NCK1: variants seen among roughly 807,000 people sequenced by gnomAD.
NCK1 encodes NCK adaptor protein 1.
A neutral mutation model predicts 36.6 loss-of-function variants in NCK1; 19 were observed. The observed-to-expected ratio is 0.52, with a 90% CI of 0.36 to 0.76. The LOEUF (loss-of-function observed/expected upper bound fraction) is 0.76. Among genes scored for constraint, NCK1 ranks in the 30% least tolerant of loss-of-function variants. NCK1 has a pLI of 0.00. For missense variants in NCK1, 358 were observed against 445.6 expected (o/e 0.80, Z 1.77); for synonymous variants, 165 against 156.0 (o/e 1.06, Z -0.43).
chr3:136,866,606 CTCTT>C (rs1351939937), intron 1 of NCK1, among the ~76,000 whole-genome samples: 14 of 151,542 alleles, frequency 9.2e-5, no homozygotes, highest in African/African-American at 2.7e-4. Flanking sequence ...TGTGCCTGGC[CTCTT>C]TCTTTCTTCT....
At chr3:136,926,196 C>A (rs1039019547) in intron 1 of NCK1, among the ~76,000 whole-genome samples, 2 of 149,544 alleles carry the variant, frequency 1.3e-5, no homozygotes, top group African/African-American at 2.5e-5. Context: ...TTTAACTTTT[C>A]TAACTGCTTA....
At chr3:136,872,301 T>G (rs1204449614) in intron 1 of NCK1, among the ~76,000 whole-genome samples, 1 of 152,172 alleles carries the variant, frequency 6.6e-6, no homozygotes, top group Non-Finnish European at 1.5e-5. Flanking sequence ...CTTGTTATGT[T>G]TTAGCAAAGA....
At chr3:136,911,324 C>T (rs959541010) in intron 1 of NCK1, among the ~76,000 whole-genome samples, 3 of 152,162 alleles carry the variant, frequency 2.0e-5, no homozygotes, top group African/African-American at 7.2e-5. Context: ...TGAGGACCCT[C>T]CATACTCTTT....
At chr3:136,867,405 A>ATTTTTTTTTTTTT (rs34322362) in intron 1 of NCK1, 4 of 101,586 alleles carry the variant, frequency 3.9e-5, no homozygotes, top group Non-Finnish European at 7.3e-5. Context: ...TGTCTGGCTA[A>ATTTTTTTTTTTTT]TTTTTTTTTT....
rs1376146892 is a variant in NCK1, at chr3:136,881,506, C to T, written c.-19+19153C>T. Reference sequence around the variant, plus strand: ...TGCTGGGATTGGAGGCATGAGCCACCACGCCCAGCTTCTATTTTTTATTGT... The same window carrying T: ...TGCTGGGATTGGAGGCATGAGCCACTACGCCCAGCTTCTATTTTTTATTGT... On this transcript the variant is annotated intron_variant, in intron 1 of 3. Coordinates refer to ENST00000481752, the MANE Select transcript of NCK1 (RefSeq NM_001291999.2). Among the ~76,000 whole-genome samples, 3 of 152,130 alleles carry T rather than the reference C, an allele frequency of 2.0e-5. 1 individual carries two copies. Among genetic ancestry groups the T allele is most frequent in the Admixed American group, 1.3e-4 (2 of 15,264 alleles).
intron 1 of NCK1, among the ~76,000 whole-genome samples, chr3:136,863,841 C>T (rs971238088): frequency 1.3e-5 from 2 of 151,934 alleles, no homozygotes; most frequent in Non-Finnish European, 2.9e-5. Context: ...GTAGCTCAAA[C>T]CTGTAATCCC....
At chr3:136,933,758 G>A (rs1202732454) in intron 2 of NCK1, among the ~76,000 whole-genome samples, 1 of 151,818 alleles carries the variant, frequency 6.6e-6, no homozygotes, top group East Asian at 1.9e-4. Flanking sequence ...AGGCTGGAGT[G>A]CACTGGTGCC....
intron 2 of NCK1, among the ~76,000 whole-genome samples, chr3:136,935,400 A>C (rs1940505601): frequency 6.6e-6 from 1 of 151,826 alleles, no homozygotes; most frequent in Non-Finnish European, 1.5e-5. Flanking sequence ...TATGTGCCTC[A>C]TATCATTATT....
At chr3:136,926,078 A>G (rs941635208) in intron 1 of NCK1, among the ~76,000 whole-genome samples, 1 of 152,152 alleles carries the variant, frequency 6.6e-6, no homozygotes, top group African/African-American at 2.4e-5. Context: ...TTAATAGCTA[A>G]TGATGAATAC....
intron 2 of NCK1, among the ~76,000 whole-genome samples, chr3:136,943,702 C>T (rs1020391640): frequency 7.9e-5 from 12 of 152,104 alleles, no homozygotes; most frequent in African/African-American, 2.2e-4. Flanking sequence ...GAGACAGAAA[C>T]GAATAAGATC....
At chr3:136,884,827 T>C (rs1939034495) in intron 1 of NCK1, among the ~76,000 whole-genome samples, 1 of 151,864 alleles carries the variant, frequency 6.6e-6, no homozygotes, top group Non-Finnish European at 1.5e-5. Context: ...TTCAAGGGAT[T>C]CTCCTGCCTC....
rs1180784889 is a variant in NCK1, at chr3:136,866,175, A to C, written c.-19+3822A>C. On this transcript the variant is annotated intron_variant, in intron 1 of 3. Coordinates refer to ENST00000481752, the MANE Select transcript of NCK1 (RefSeq NM_001291999.2). ...AACCTGTTTTTCTGGGGCCAGCACT[A>C]TTTCTTTCTTTTTTTTTAATCAGTG... 3.3e-5 allele frequency among the ~76,000 whole-genome samples: 5 copies of C among 151,878 alleles called. No individual in the cohort carries two copies. The South Asian group carries it at 8.3e-4, about 25-fold the overall frequency.
In NCK1 at chr3:136,950,009, A is replaced by G. The variant is rs1293516022; in HGVS notation, c.*1556A>G. Among the ~76,000 whole-genome samples the G allele has an allele frequency of 4.6e-5, 7 of 152,190 alleles. No individual in the cohort carries two copies. The highest frequency in any genetic ancestry group is 3.4e-3 in the Middle Eastern group (1 of 294). On this transcript the variant is annotated 3_prime_UTR_variant, in exon 4 of 4. Coordinates refer to ENST00000481752, the MANE Select transcript of NCK1 (RefSeq NM_001291999.2). ...ATCTGCTTTTAAAACATTTTAGTTC[A>G]TATTCTATTATTTTTCTAACTCAGT... is the stretch of plus-strand genomic sequence containing the variant.
At chr3:136,945,216 G>A (rs114010848) in intron 2 of NCK1, among the ~76,000 whole-genome samples, 210 of 152,124 alleles carry the variant, frequency 1.4e-3, no homozygotes, top group African/African-American at 4.7e-3. Context: ...GAAGAGTATG[G>A]GTGTGGTGGA....
chr3:136,869,923 A>G (rs1046903970), intron 1 of NCK1, among the ~76,000 whole-genome samples: 4 of 152,180 alleles, frequency 2.6e-5, no homozygotes, highest in African/African-American at 4.8e-5. Context: ...TGAATTGGAC[A>G]TGAATATGGT....
intron 1 of NCK1, among the ~76,000 whole-genome samples, chr3:136,891,606 C>T (rs1417106072): frequency 6.6e-6 from 1 of 152,226 alleles, no homozygotes. Context: ...TTTTGAAGAA[C>T]TGCCATATGG....
Position 136,951,192 on chromosome 3 carries a change from T to C in NCK1, c.*2739T>C, listed in dbSNP as rs1940962637. 6.6e-6 allele frequency among the ~76,000 whole-genome samples: 1 copy of C among 152,196 alleles called. No individual in the cohort carries two copies. Among genetic ancestry groups the C allele is most frequent in the Non-Finnish European group, 1.5e-5 (1 of 68,024 alleles). ...TAAATTATCTCCAGCTGTAATGTCC[T>C]ACCATATAATCCAGAGGTTGCATAG... On this transcript the variant is annotated 3_prime_UTR_variant, in exon 4 of 4. Transcript: ENST00000481752.
At chr3:136,891,291 T>TG (rs1454112646) in intron 1 of NCK1, among the ~76,000 whole-genome samples, 135 of 152,192 alleles carry the variant, frequency 8.9e-4, no homozygotes, top group African/African-American at 3.2e-3. Flanking sequence ...TGGGCCACCA[T>TG]GCCTGGTTAA....
intron 1 of NCK1, among the ~76,000 whole-genome samples, chr3:136,922,018 C>A (rs557604669): frequency 1.3e-5 from 2 of 152,132 alleles, no homozygotes; most frequent in Non-Finnish European, 2.9e-5. Context: ...TTCCTGACCT[C>A]GTGATCTGCC....
Sources: allele counts gnomAD v4.1 joint callset (sites outside exome capture counted in the v4.1 genomes callset), GRCh38; gene constraint gnomAD v4.1.1; transcripts MANE v1.5; gene names NCBI Gene and HGNC (gene_info 2026-07-23, HGNC 2026-07-21).